The following SYT1 variants were observed in gnomAD, a reference collection of about 807,000 sequenced individuals.
SYT1 encodes synaptotagmin-1.
SYT1 carries 8 observed loss-of-function variants against 44.8 expected under a neutral mutation model. That is an observed-to-expected ratio of 0.18 (90% CI 0.10 to 0.32). The LOEUF is 0.32. Among genes scored for constraint, SYT1 ranks in the 10% least tolerant of loss-of-function variants. SYT1 has a pLI of 1.00. For missense variants in SYT1, 286 were observed against 509.3 expected, an observed-to-expected ratio of 0.56 and a Z score of 4.22; for synonymous variants, 154 against 188.8, an observed-to-expected ratio of 0.82 and a Z score of 1.51.
intron 8 of SYT1, among the ~76,000 whole-genome samples, chr12:79,300,192 T>C (rs1224628955): frequency 6.6e-6 from 1 of 152,200 alleles, no homozygotes; most frequent in Non-Finnish European, 1.5e-5. Context: ...ATATGTTTAG[T>C]GCATTTAAGC....
chr12:79,204,223 A>G (rs537007225), intron 3 of SYT1, among the ~76,000 whole-genome samples: 3 of 152,254 alleles, frequency 2.0e-5, no homozygotes, highest in African/African-American at 7.2e-5. Context: ...AGTATAGCTT[A>G]ATAAATGTTA....
chr12:79,230,473 T>A (rs1875805848), intron 4 of SYT1, among the ~76,000 whole-genome samples: 1 of 152,098 alleles, frequency 6.6e-6, no homozygotes, highest in Non-Finnish European at 1.5e-5. Context: ...ATTATGTAGG[T>A]AGGTATGTTA....
intron 9 of SYT1, among the ~76,000 whole-genome samples, chr12:79,435,700 G>A (rs1233855453): frequency 6.6e-6 from 1 of 152,142 alleles, no homozygotes; most frequent in African/African-American, 2.4e-5. Flanking sequence ...GAATAGTGGA[G>A]GGCAAGAAGC....
chr12:79,198,782 T>C (rs1873611619), intron 3 of SYT1, among the ~76,000 whole-genome samples: 1 of 152,164 alleles, frequency 6.6e-6, no homozygotes, highest in Non-Finnish European at 1.5e-5. Flanking sequence ...TGGGAAGAAA[T>C]TGCTATAAAG....
chr12:79,074,830 C>A (rs1876529755), intron 3 of SYT1, among the ~76,000 whole-genome samples: 1 of 152,094 alleles, frequency 6.6e-6, no homozygotes, highest in Non-Finnish European at 1.5e-5. Context: ...CCCTGTCTTC[C>A]CTCTTTGGAT....
chr12:78,870,480 C>A (rs778078276), intron 1 of SYT1, among the ~76,000 whole-genome samples: 2 of 152,064 alleles, frequency 1.3e-5, no homozygotes, highest in Non-Finnish European at 2.9e-5. Context: ...TAAATGTTTT[C>A]TTTCTCTTTT....
At chr12:79,233,567 G>C (rs1460414541) in intron 4 of SYT1, among the ~76,000 whole-genome samples, 1 of 152,192 alleles carries the variant, frequency 6.6e-6, no homozygotes, top group African/African-American at 2.4e-5. Context: ...CTTCCACGTG[G>C]CCTGGACAGC....
rs1420785662 is a variant in SYT1, at chr12:79,370,312, G to A, written c.928+16693G>A. Among the ~76,000 whole-genome samples the A allele has an allele frequency of 2.0e-5, 3 of 152,080 alleles. No homozygotes were observed. In the East Asian group the frequency reaches 5.8e-4, roughly 29 times the overall value. ...AGCTGCAAAATACAGAATTCAAAGA[G>A]GACATAACTGTCTGAAAAATGTGAG... On this transcript the variant is annotated intron_variant, in intron 9 of 10. Transcript: ENST00000261205.
At chr12:79,199,161 C>A (rs1331782798) in intron 3 of SYT1, among the ~76,000 whole-genome samples, 1 of 152,098 alleles carries the variant, frequency 6.6e-6, no homozygotes, top group Admixed American at 6.6e-5. Context: ...ACCATTCTTA[C>A]CTCTTTGGAA....
intron 8 of SYT1, among the ~76,000 whole-genome samples, chr12:79,328,737 T>C (rs1271673955): frequency 6.6e-6 from 1 of 151,296 alleles, no homozygotes; most frequent in Non-Finnish European, 1.5e-5. Context: ...TCCCAGCTAC[T>C]CAGGAGGCTG....
chr12:78,945,695 A>G (rs1164123737), intron 1 of SYT1, among the ~76,000 whole-genome samples: 1 of 152,062 alleles, frequency 6.6e-6, no homozygotes, highest in African/African-American at 2.4e-5. Flanking sequence ...GTAGATTTTG[A>G]CAATGTAATC....
At chr12:79,062,015 G>A (rs1875426170) in intron 3 of SYT1, among the ~76,000 whole-genome samples, 1 of 152,122 alleles carries the variant, frequency 6.6e-6, no homozygotes, top group African/African-American at 2.4e-5. Flanking sequence ...GCTTATGCTA[G>A]CTTATTTTAA....
intron 3 of SYT1, among the ~76,000 whole-genome samples, chr12:79,214,790 A>G (rs1317553309): frequency 6.6e-6 from 1 of 152,174 alleles, no homozygotes; most frequent in African/African-American, 2.4e-5. Flanking sequence ...TAACTCAATC[A>G]TTTCCTTTAA....
chr12:79,316,719 C>G (rs757153157), intron 8 of SYT1, among the ~76,000 whole-genome samples: 2 of 152,154 alleles, frequency 1.3e-5, no homozygotes, highest in African/African-American at 4.8e-5. Flanking sequence ...TCATAACACA[C>G]GTTTATTCTC....
chr12:79,172,347 T>A (rs1364775984), intron 3 of SYT1, among the ~76,000 whole-genome samples: 1 of 152,018 alleles, frequency 6.6e-6, no homozygotes, highest in East Asian at 1.9e-4. Flanking sequence ...AAAGGAGTTA[T>A]AATGCTTCAA....
chr12:78,997,740 G>A (rs949204058), intron 2 of SYT1, among the ~76,000 whole-genome samples: 14 of 151,824 alleles, frequency 9.2e-5, no homozygotes, highest in African/African-American at 1.9e-4. Context: ...AGGAAAGGCC[G>A]TGAGGAAGAA....
At chr12:78,864,670 A>T (rs1873431203), upstream of SYT1, 1 of 152,494 alleles carries the variant, frequency 6.6e-6, no homozygotes, top group East Asian at 1.9e-4. Flanking sequence ...AGGTGGAGCC[A>T]ATCAGGATGC....
At chr12:79,241,422 C>T (rs990520579) in intron 4 of SYT1, among the ~76,000 whole-genome samples, 3 of 152,066 alleles carry the variant, frequency 2.0e-5, no homozygotes, top group African/African-American at 4.8e-5. Flanking sequence ...AGGTGGGCGC[C>T]ACCATGCCCG....
intron 1 of SYT1, among the ~76,000 whole-genome samples, chr12:78,912,336 T>A (rs1275427740): frequency 6.6e-6 from 1 of 151,864 alleles, no homozygotes; most frequent in East Asian, 1.9e-4. Flanking sequence ...ACACTGAAAT[T>A]GCTGAAAAAG....
Sources: gnomAD v4.1 joint callset for allele counts (sites outside exome capture counted in the v4.1 genomes callset) on GRCh38, gnomAD v4.1.1 for gene constraint, MANE v1.5 for transcripts, NCBI Gene and HGNC (gene_info 2026-07-23, HGNC 2026-07-21) for gene names.